The following FSTL4 variants were observed in gnomAD, a reference collection of about 807,000 sequenced individuals.
FSTL4 encodes the protein follistatin-related protein 4.
In FSTL4, 28 loss-of-function variants were observed where a neutral mutation model predicts 78.2. That is an observed-to-expected ratio of 0.36 (90% CI 0.27 to 0.49). FSTL4 has a LOEUF of 0.49. Ranked by LOEUF, FSTL4 falls within the 20% of genes least tolerant of loss-of-function variation. The pLI, the probability that FSTL4 is intolerant of heterozygous loss-of-function variation, is 0.98. For missense variants in FSTL4, 922 were observed against 1,084.9 expected (o/e 0.85, Z 2.11); for synonymous variants, 422 against 440.5 (o/e 0.96, Z 0.53).
chr5:133,267,822 G>A (rs1199034664), intron 6 of FSTL4, among the ~76,000 whole-genome samples: 1 of 152,180 alleles, frequency 6.6e-6, no homozygotes, highest in South Asian at 2.1e-4. Context: ...AAGGTCATGA[G>A]ACATAGGAGG....
At chr5:133,689,284 C>A in the FSTL4 span, among the ~76,000 whole-genome samples, 1 of 152,150 alleles carries the variant, frequency 6.6e-6, no homozygotes, top group Non-Finnish European at 1.5e-5. Context: ...CCCAGCTAAC[C>A]ACACCTGGGG....
chr5:133,253,168 G>A (rs1033446698), intron 6 of FSTL4, among the ~76,000 whole-genome samples: 7 of 152,166 alleles, frequency 4.6e-5, no homozygotes, highest in South Asian at 2.1e-4. Context: ...CTCACTCCCC[G>A]TTATTTCCTG....
At chr5:133,798,399 G>GT in the FSTL4 span, among the ~76,000 whole-genome samples, 2 of 151,514 alleles carry the variant, frequency 1.3e-5, no homozygotes, top group East Asian at 1.9e-4. Context: ...GTACAGGGAA[G>GT]TTTTTTTAAA....
the FSTL4 span, among the ~76,000 whole-genome samples, chr5:133,798,990 A>AGGGAGGGAGGG: frequency 1.5e-5 from 1 of 67,876 alleles, no homozygotes; most frequent in African/African-American, 7.7e-5. Flanking sequence ...GGGAGGGAGG[A>AGGGAGGGAGGG]AGGGAGGGAG....
chr5:133,823,000 G>T, the FSTL4 span, among the ~76,000 whole-genome samples: 5 of 152,166 alleles, frequency 3.3e-5, no homozygotes, highest in African/African-American at 1.2e-4. Context: ...CAGGAGGTGG[G>T]GTTGGGGGCA....
the FSTL4 span, among the ~76,000 whole-genome samples, chr5:133,645,760 G>T: frequency 6.6e-6 from 1 of 152,084 alleles, no homozygotes; most frequent in African/African-American, 2.4e-5. Flanking sequence ...GAAGCAATGC[G>T]ACCATGGGGA....
chr5:133,493,316 C>T (rs1378287584), intron 3 of FSTL4, among the ~76,000 whole-genome samples: 1 of 152,070 alleles, frequency 6.6e-6, no homozygotes, highest in African/African-American at 2.4e-5. Context: ...TGGAGATTGT[C>T]CTTTATAATG....
chr5:133,287,215 C>T (rs1016234710), intron 6 of FSTL4, among the ~76,000 whole-genome samples: 12 of 151,922 alleles, frequency 7.9e-5, no homozygotes, highest in Non-Finnish European at 1.5e-4. Context: ...GGTGAAACTC[C>T]GTCTCTACTA....
At chr5:133,416,222 C>T (rs748857620) in intron 3 of FSTL4, among the ~76,000 whole-genome samples, 1 of 152,214 alleles carries the variant, frequency 6.6e-6, no homozygotes, top group Non-Finnish European at 1.5e-5. Flanking sequence ...GAAGCTCCTA[C>T]TGGCCAAGTC....
intron 2 of FSTL4, among the ~76,000 whole-genome samples, chr5:133,599,334 G>A (rs1760807322): frequency 6.6e-6 from 1 of 152,108 alleles, no homozygotes; most frequent in South Asian, 2.1e-4. Context: ...GGAAGGGGCC[G>A]GTCAGTCAGG....
At chr5:133,701,889 G>T in the FSTL4 span, among the ~76,000 whole-genome samples, 7 of 152,068 alleles carry the variant, frequency 4.6e-5, no homozygotes, top group Non-Finnish European at 1.0e-4. Context: ...CCCTGCCTGG[G>T]TTCAACTGAT....
At chr5:133,820,818 T>G in the FSTL4 span, among the ~76,000 whole-genome samples, 15 of 152,190 alleles carry the variant, frequency 9.9e-5, no homozygotes, top group South Asian at 2.1e-4. Context: ...ACATGTAATA[T>G]CTTATATCCT....
chr5:133,445,989 T>C lies in FSTL4; in HGVS notation c.161-45003A>G, dbSNP rs149160171. Reference sequence around the variant, plus strand: ...CTTTTTAATGGATACTACAAGTTTATATGTGGTTTATAAACTCAAGGGCTA... The same window carrying C: ...CTTTTTAATGGATACTACAAGTTTACATGTGGTTTATAAACTCAAGGGCTA... On this transcript the variant is annotated intron_variant, in intron 3 of 15. Transcript: ENST00000265342. Among the ~76,000 whole-genome samples the C allele has an allele frequency of 1.6e-4, 25 of 152,332 alleles. No homozygotes were observed. In the East Asian group the frequency reaches 4.2e-3, roughly 26 times the overall value.
the FSTL4 span, among the ~76,000 whole-genome samples, chr5:133,703,522 T>C: frequency 6.6e-6 from 1 of 152,282 alleles, no homozygotes; most frequent in Non-Finnish European, 1.5e-5. Flanking sequence ...TGACGGTTCT[T>C]TGCGAGACAC....
chr5:133,618,273 G>A, the FSTL4 span, among the ~76,000 whole-genome samples: 2 of 152,038 alleles, frequency 1.3e-5, no homozygotes, highest in South Asian at 2.1e-4. Flanking sequence ...TTCAGATTGC[G>A]ATTGACTGCA....
intron 3 of FSTL4, among the ~76,000 whole-genome samples, chr5:133,417,603 T>C (rs1756601186): frequency 1.3e-5 from 2 of 151,686 alleles, no homozygotes; most frequent in African/African-American, 4.8e-5. Context: ...CCAAAGATAA[T>C]GAGAAAACAT....
chr5:133,694,169 A>C, the FSTL4 span, among the ~76,000 whole-genome samples: 2 of 152,188 alleles, frequency 1.3e-5, no homozygotes, highest in Non-Finnish European at 2.9e-5. Context: ...GCATCAACTG[A>C]TGCAATTTGT....
the FSTL4 span, among the ~76,000 whole-genome samples, chr5:133,670,158 T>C: frequency 2.2e-3 from 334 of 152,310 alleles, 3 homozygotes; most frequent in African/African-American, 7.7e-3. Flanking sequence ...TGACATAAAT[T>C]GTGGATGTGC....
intron 4 of FSTL4, among the ~76,000 whole-genome samples, chr5:133,399,527 A>T (rs114635077): frequency 7.7e-4 from 117 of 152,308 alleles, no homozygotes; most frequent in African/African-American, 2.7e-3. Context: ...AGATAGATGT[A>T]ACAGAGGCCA....
Sources: allele counts gnomAD v4.1 joint callset (sites outside exome capture counted in the v4.1 genomes callset), GRCh38; gene constraint gnomAD v4.1.1; transcripts MANE v1.5; gene names NCBI Gene and HGNC (gene_info 2026-07-23, HGNC 2026-07-21).